The following MGMT variants were observed in gnomAD, a reference collection of about 807,000 sequenced individuals.
MGMT encodes the protein O-6-methylguanine-DNA methyltransferase, also known as methylated-DNA--protein-cysteine methyltransferase.
Under a neutral mutation model 15.9 loss-of-function variants are expected in MGMT, and 14 were observed. That is an observed-to-expected ratio of 0.88 (90% CI 0.58 to 1.37). MGMT has a LOEUF of 1.37. MGMT is among the 40% of genes most tolerant of loss of function. MGMT has a pLI of 0.00. For synonymous variants in MGMT, 130 were observed against 118.2 expected, an observed-to-expected ratio of 1.10 and a Z score of -0.65; for missense variants, 282 against 268.1, an observed-to-expected ratio of 1.05 and a Z score of -0.36.
At chr10:129,667,108 CAGAG>C (rs1847667840) in intron 2 of MGMT, among the ~76,000 whole-genome samples, 1 of 152,170 alleles carries the variant, frequency 6.6e-6, no homozygotes, top group Non-Finnish European at 1.5e-5. Context: ...ATAATACACA[CAGAG>C]AGAAGCGCCT....
chr10:129,543,801 T>C (rs1168320823), intron 2 of MGMT, among the ~76,000 whole-genome samples: 1 of 152,224 alleles, frequency 6.6e-6, no homozygotes, highest in East Asian at 1.9e-4. Flanking sequence ...AGCAAACTTG[T>C]TCATTTCATT....
chr10:129,468,084 A>G (rs1845190333), intron 1 of MGMT, among the ~76,000 whole-genome samples: 1 of 130,462 alleles, frequency 7.7e-6, no homozygotes, highest in African/African-American at 3.3e-5. Flanking sequence ...TTCTCAGTAG[A>G]ATGTTAAGCA....
chr10:129,695,838 G>A (rs1158481481), intron 2 of MGMT, among the ~76,000 whole-genome samples: 1 of 152,192 alleles, frequency 6.6e-6, no homozygotes, highest in Admixed American at 6.5e-5. Context: ...GGCACAGCCT[G>A]CAGGCCTTAT....
chr10:129,561,999 A>G (rs1302875788), intron 2 of MGMT, among the ~76,000 whole-genome samples: 1 of 152,174 alleles, frequency 6.6e-6, no homozygotes, highest in African/African-American at 2.4e-5. Context: ...TTAAAAAGAG[A>G]CCAAGCCTTC....
At chr10:129,599,507 A>G (rs1846792339) in intron 2 of MGMT, among the ~76,000 whole-genome samples, 1 of 152,208 alleles carries the variant, frequency 6.6e-6, no homozygotes, top group Middle Eastern at 3.2e-3. Context: ...CCTTCGAGGC[A>G]GTGGTTTCAG....
chr10:129,701,980 C>T (rs1332393375), intron 2 of MGMT: 1 of 152,210 alleles, frequency 6.6e-6, no homozygotes, highest in Non-Finnish European at 1.5e-5. Flanking sequence ...ACATTCTAAC[C>T]ACCTTTCTGT....
intron 2 of MGMT, among the ~76,000 whole-genome samples, chr10:129,571,904 G>C (rs552799877): frequency 6.6e-6 from 1 of 152,176 alleles, no homozygotes. Context: ...TGCAAGAATC[G>C]TTAGTGCGAC....
chr10:129,614,633 GA>G (rs1847001706), intron 2 of MGMT, among the ~76,000 whole-genome samples: 1 of 152,212 alleles, frequency 6.6e-6, no homozygotes, highest in African/African-American at 2.4e-5. Context: ...AAGAAACGGG[GA>G]TGGGCTGGAC....
At chr10:129,525,430 G>C in intron 1 of MGMT, among the ~76,000 whole-genome samples, 1 of 152,102 alleles carries the variant, frequency 6.6e-6, no homozygotes. Flanking sequence ...CTTCACGTTG[G>C]TTTTATAATG....
intron 1 of MGMT, among the ~76,000 whole-genome samples, chr10:129,471,035 C>G (rs1564827379): frequency 6.6e-6 from 1 of 152,180 alleles, no homozygotes; most frequent in Non-Finnish European, 1.5e-5. Flanking sequence ...AGGCTCCCAC[C>G]CAGCCCTGCC....
At chr10:129,618,125 G>A (rs1847049742) in intron 2 of MGMT, among the ~76,000 whole-genome samples, 1 of 152,090 alleles carries the variant, frequency 6.6e-6, no homozygotes, top group African/African-American at 2.4e-5. Context: ...GATGGAAAAG[G>A]AAAAGAAACT....
At chr10:129,694,705 G>T (rs1044062377) in intron 2 of MGMT, among the ~76,000 whole-genome samples, 1 of 152,086 alleles carries the variant, frequency 6.6e-6, no homozygotes, top group African/African-American at 2.4e-5. Flanking sequence ...GTAGAGTTTT[G>T]CTTGGAAGAC....
chr10:129,748,351 G>C lies in MGMT; in HGVS notation c.275-10851G>C, dbSNP rs907326315. Among the ~76,000 whole-genome samples, 4 of 152,254 alleles carry C rather than the reference G, an allele frequency of 2.6e-5. No individual in the cohort carries two copies. In the East Asian group the frequency reaches 7.7e-4, roughly 29 times the overall value. Reference sequence around the variant, plus strand: ...GGCCATTTGGGAGATTGTGCAGTTTGCTCCTGTGTCCCTTTGTCGTACTCT... The same window carrying C: ...GGCCATTTGGGAGATTGTGCAGTTTCCTCCTGTGTCCCTTTGTCGTACTCT... On this transcript the variant is annotated intron_variant, in intron 3 of 4. Coordinates refer to ENST00000651593, the MANE Select transcript of MGMT (RefSeq NM_002412.5).
At chr10:129,558,093 C>T (rs1846235750) in intron 2 of MGMT, among the ~76,000 whole-genome samples, 2 of 152,302 alleles carry the variant, frequency 1.3e-5, no homozygotes, top group Admixed American at 1.3e-4. Flanking sequence ...GTGAAGAGCC[C>T]GCACAGGCCC....
intron 2 of MGMT, among the ~76,000 whole-genome samples, chr10:129,577,195 C>T (rs924710111): frequency 6.6e-6 from 1 of 152,174 alleles, no homozygotes; most frequent in Admixed American, 6.5e-5. Context: ...CTTTAAAGTT[C>T]GTATGGAACC....
chr10:129,691,710 C>T (rs1439340208), intron 2 of MGMT, among the ~76,000 whole-genome samples: 1 of 152,114 alleles, frequency 6.6e-6, no homozygotes, highest in Non-Finnish European at 1.5e-5. Context: ...AGCGAAGGTG[C>T]ACCCTGAGGC....
At chr10:129,511,188 A>C (rs1845679424) in intron 1 of MGMT, among the ~76,000 whole-genome samples, 1 of 135,342 alleles carries the variant, frequency 7.4e-6, no homozygotes, top group Admixed American at 7.5e-5. Context: ...CACGTGCTTC[A>C]TGCAGTAGGA....
At chr10:129,522,814 C>T (rs1845828023) in intron 1 of MGMT, among the ~76,000 whole-genome samples, 1 of 152,208 alleles carries the variant, frequency 6.6e-6, no homozygotes, top group African/African-American at 2.4e-5. Context: ...GGCTGCTCCA[C>T]AGTGGCCACA....
At chr10:129,475,641 G>A (rs2119622595) in intron 1 of MGMT, among the ~76,000 whole-genome samples, 2 of 152,266 alleles carry the variant, frequency 1.3e-5, no homozygotes, top group African/African-American at 4.8e-5. Context: ...TGTGCGGGGT[G>A]CGGGCCGATC....
Sources: gnomAD v4.1 joint callset for allele counts (sites outside exome capture counted in the v4.1 genomes callset) on GRCh38, gnomAD v4.1.1 for gene constraint, MANE v1.5 for transcripts, NCBI Gene and HGNC (gene_info 2026-07-23, HGNC 2026-07-21) for gene names.